Variants in COQ8B observed in about 807,000 individuals in gnomAD.
COQ8B encodes the protein atypical kinase COQ8B, mitochondrial.
In COQ8B, 44 loss-of-function variants were observed where a neutral mutation model predicts 62.0. That is an observed-to-expected ratio of 0.71 (90% confidence interval 0.56 to 0.91). COQ8B has a LOEUF of 0.91. COQ8B is among the 40% of genes least tolerant of loss of function. The pLI, the probability that COQ8B is intolerant of heterozygous loss-of-function variation, is 0.00. For missense variants in COQ8B, 649 were observed against 731.6 expected, an observed-to-expected ratio of 0.89 and a Z score of 1.30; for synonymous variants, 252 against 289.9, an observed-to-expected ratio of 0.87 and a Z score of 1.33.
intron 13 of COQ8B, among the ~76,000 whole-genome samples, chr19:40,693,826 C>A (rs2081992601): frequency 6.6e-6 from 1 of 152,120 alleles, no homozygotes; most frequent in Non-Finnish European, 1.5e-5. Flanking sequence ...GCACGGGGGT[C>A]CCTATTTCAC....
At chr19:40,702,511 A>G in intron 10 of COQ8B, 89 bp downstream of exon 10, 1 of 1,254,790 alleles carries the variant, frequency 8.0e-7, no homozygotes, top group South Asian at 1.2e-5. Flanking sequence ...CCTACCCCAC[A>G]GCTCCAGCTG....
At chr19:40,715,190 T>A in intron 1 of COQ8B, 1 of 985,090 alleles carries the variant, frequency 1.0e-6, no homozygotes, top group Non-Finnish European at 1.2e-6. Flanking sequence ...TTTCTCCATC[T>A]GTGCGCGGGG....
intron 14 of COQ8B, 31 bp downstream of exon 14, chr19:40,692,920 C>G: frequency 6.2e-7 from 1 of 1,606,236 alleles, no homozygotes; most frequent in South Asian, 1.1e-5. Context: ...CCAACAGACA[C>G]CAGCCCCTTT....
rs2144676050 is a variant in COQ8B at position 40,691,612 on chromosome 19, C to CTGGA, written c.*419_*422dup. 1 of 156,080 alleles carries CTGGA rather than the reference C, an allele frequency of 6.4e-6. No homozygotes were observed. The highest frequency in any genetic ancestry group is 2.4e-5 in the African/African-American group (1 of 41,590). The allele number at this position is 156,080 out of a possible 1,614,324, so 9.7% of individuals were successfully genotyped here. A position where few individuals can be genotyped will look rare whatever the true frequency, so the allele number is the denominator to read the frequency against. On this transcript the variant is annotated 3_prime_UTR_variant, in exon 15 of 15. Transcript: ENST00000324464. ...CCTACCTCTCCAACACACTGAGAGG[C>CTGGA]TGGAACCCGGGAGAAGGCAGCTGTT... is the stretch of plus-strand genomic sequence containing the variant.
intron 5 of COQ8B, chr19:40,708,025 T>G (rs1216892904): frequency 6.6e-6 from 1 of 152,220 alleles, no homozygotes; most frequent in Non-Finnish European, 1.5e-5. Context: ...AAATTACATT[T>G]CAGCTTTGGC....
intron 13 of COQ8B, among the ~76,000 whole-genome samples, chr19:40,695,297 G>A (rs1351737064): frequency 5.1e-5 from 7 of 137,620 alleles, no homozygotes; most frequent in African/African-American, 1.1e-4. Context: ...CAGCCTGGGC[G>A]ACAGAGCAAG....
intron 13 of COQ8B, 141 bp downstream of exon 13, chr19:40,695,848 T>A: frequency 1.2e-6 from 1 of 824,704 alleles, no homozygotes; most frequent in Non-Finnish European, 2.0e-6. Context: ...AAGTGCTTGG[T>A]GTGTGCTAGT....
intron 1 of COQ8B, chr19:40,715,458 T>G: frequency 4.1e-6 from 4 of 985,526 alleles, no homozygotes; most frequent in Non-Finnish European, 4.8e-6. Context: ...CCTGGCAGGC[T>G]CAACACAATT....
rs1171866679 is a variant in COQ8B, at chr19:40,692,351, T to A, written c.1319A>T (p.Glu440Val). Reference sequence around the variant, plus strand: ...AGGCTCCCCCAGGATCATCACTGCCTCCACGTGGGCGTCGGAGAATGCCTG... The same window carrying A: ...AGGCTCCCCCAGGATCATCACTGCCACCACGTGGGCGTCGGAGAATGCCTG... ...ETKAFSDAHV[E>V]AVMILGEPFA... Residue 440 changes from glutamate to valine, a missense_variant, in exon 15 of 15, where the codon GAG (glutamate) becomes GTG (valine). Coordinates refer to ENST00000324464, the MANE Select transcript of COQ8B (RefSeq NM_024876.4). 1 of 1,613,314 alleles carries A rather than the reference T, an allele frequency of 6.2e-7. No individual in the cohort carries two copies. Among genetic ancestry groups the A allele is most frequent in the Non-Finnish European group, 8.5e-7 (1 of 1,179,780 alleles).
chr19:40,696,355 C>T (rs981191988), intron 12 of COQ8B, among the ~76,000 whole-genome samples: 1 of 152,014 alleles, frequency 6.6e-6, no homozygotes, highest in Non-Finnish European at 1.5e-5. Context: ...ATCCTGCCAC[C>T]CAGCCTAAAA....
rs764853962 is a variant in COQ8B at position 40,714,138 on chromosome 19, G to C, written c.223-5C>G. On this transcript the variant is annotated splice_region_variant and splice_polypyrimidine_tract_variant and intron_variant, in intron 3 of 14. Transcript: ENST00000324464. The stretch of plus-strand genomic sequence containing the variant: ...TTCTCGAGAGCGGTCACTCAGCTGG[G>C]AAATGGGGACAAGGTCTGAGGGTGG... The C allele has an allele frequency of 6.2e-7, 1 of 1,614,194 alleles. No individual in the cohort carries two copies. Among genetic ancestry groups the C allele is most frequent in the African/African-American group, 1.3e-5 (1 of 75,048 alleles).
chr19:40,705,619 T>C (rs1181323428), intron 5 of COQ8B, among the ~76,000 whole-genome samples, 172 bp from the exon 6 acceptor site: 1 of 152,124 alleles, frequency 6.6e-6, no homozygotes, highest in Admixed American at 6.5e-5. Flanking sequence ...AAAAAATATA[T>C]ATCATCTGCA....
At chr19:40,714,970 C>T in intron 1 of COQ8B, 1 of 1,058,676 alleles carries the variant, frequency 9.4e-7, no homozygotes, top group Admixed American at 5.2e-5. Context: ...CTCTGTTGGC[C>T]CTGTAGGCAC....
At position 40,716,594 on chromosome 19, in the gene COQ8B, C is replaced by G. The variant is rs2082186647; in HGVS notation, c.-11G>C. ...ATGACAGAGATTTCTTACGGAAAAT[C>G]CAATGGAGCGTAAGTCATTTGCTCA... On this transcript the variant is annotated 5_prime_UTR_variant, in exon 1 of 15. Coordinates refer to ENST00000324464, the MANE Select transcript of COQ8B (RefSeq NM_024876.4). 6.6e-6 allele frequency: 1 copy of G among 152,256 alleles called. No homozygotes were observed. Among genetic ancestry groups the G allele is most frequent in the African/African-American group, 2.4e-5 (1 of 41,462 alleles). 9.4% of individuals were successfully genotyped at this position (152,256 alleles called of 1,614,324 possible). A position where few individuals can be genotyped will look rare whatever the true frequency, so the allele number is the denominator to read the frequency against.
rs987870810 is a variant in COQ8B at position 40,705,296 on chromosome 19, G to C, written c.490+29C>G. 3.2e-6 allele frequency: 5 copies of C among 1,585,506 alleles called. No homozygotes were observed. The African/African-American group carries it at 5.4e-5, about 17-fold the overall frequency. Reference sequence around the variant, plus strand: ...TAGGGCTGGGGTAGAAGGGAGGTCAGGGGTCAGGAGTCGAGGGTCATGCTG... The same window carrying C: ...TAGGGCTGGGGTAGAAGGGAGGTCACGGGTCAGGAGTCGAGGGTCATGCTG... On this transcript the variant is annotated intron_variant, in intron 6 of 14. Coordinates refer to ENST00000324464, the MANE Select transcript of COQ8B (RefSeq NM_024876.4).
At position 40,703,761 on chromosome 19, in the gene COQ8B, T is replaced by TGAG; in HGVS notation, c.670_671insCTC (p.Val223_His224insPro). 6.2e-7 allele frequency: 1 copy of TGAG among 1,614,066 alleles called. No homozygotes were observed. On this transcript the variant is annotated inframe_insertion, in exon 8 of 15. Coordinates refer to ENST00000324464, the MANE Select transcript of COQ8B (RefSeq NM_024876.4). ...CGTCCCGTCCCTCAGCAGGCCCTGGTGCACCTGCCCAATTGAGGCAGCGGC... is the reference window on the plus strand; with the variant it reads ...CGTCCCGTCCCTCAGCAGGCCCTGGTGAGGCACCTGCCCAATTGAGGCAGCGGC...
intron 5 of COQ8B, among the ~76,000 whole-genome samples, chr19:40,708,808 A>G (rs2082119732): frequency 6.6e-6 from 1 of 151,964 alleles, no homozygotes; most frequent in Non-Finnish European, 1.5e-5. Context: ...ACGTGTCTAT[A>G]ATCCCAGCTA....
chr19:40,715,318 C>T, intron 1 of COQ8B: 1 of 985,934 alleles, frequency 1.0e-6, no homozygotes, highest in Non-Finnish European at 1.2e-6. Flanking sequence ...TCTGCCCTTC[C>T]ACTCACCTCA....
intron 4 of COQ8B, among the ~76,000 whole-genome samples, chr19:40,711,333 G>A (rs527298855): frequency 2.6e-5 from 4 of 152,140 alleles, no homozygotes; most frequent in African/African-American, 9.6e-5. Flanking sequence ...CTGAGCTCAA[G>A]TGATCCTCTT....
Sources: allele counts gnomAD v4.1 joint callset (sites outside exome capture counted in the v4.1 genomes callset), GRCh38; gene constraint gnomAD v4.1.1; transcripts MANE v1.5; gene names NCBI Gene and HGNC (gene_info 2026-07-23, HGNC 2026-07-21).